PTPRK: variants seen among roughly 807,000 people sequenced by gnomAD.
PTPRK encodes receptor-type tyrosine-protein phosphatase kappa.
In PTPRK, 75 loss-of-function variants were observed where a neutral mutation model predicts 178.0. The ratio of observed to expected loss-of-function variants is 0.42; its 90% CI spans 0.35 to 0.51. The LOEUF (loss-of-function observed/expected upper bound fraction) is 0.51, where lower values mean the gene tolerates loss of function less well. Among genes scored for constraint, PTPRK ranks in the 20% least tolerant of loss-of-function variants. PTPRK has a pLI of 0.02. For missense variants in PTPRK, 1,441 were observed against 1,797.8 expected (o/e 0.80, Z 3.59); for synonymous variants, 637 against 620.6 (o/e 1.03, Z -0.39).
chr6:128,449,535 C>T (rs1260433473), intron 1 of PTPRK, among the ~76,000 whole-genome samples: 1 of 152,024 alleles, frequency 6.6e-6, no homozygotes, highest in Non-Finnish European at 1.5e-5. Context: ...GGGGAAAATA[C>T]AACAGTAGAA....
At chr6:128,174,135 G>A (rs1443002476) in intron 7 of PTPRK, among the ~76,000 whole-genome samples, 3 of 151,878 alleles carry the variant, frequency 2.0e-5, no homozygotes, top group Admixed American at 6.6e-5. Flanking sequence ...TAAAATATTA[G>A]AGGAAAAATA....
chr6:128,095,012 G>A (rs73584680), intron 7 of PTPRK, among the ~76,000 whole-genome samples: 4,334 of 152,020 alleles, frequency 0.029, 205 homozygotes, highest in African/African-American at 0.099. Flanking sequence ...GGAAGGTGGT[G>A]TTAAGCACAT....
chr6:128,383,575 G>C (rs1239374601), intron 2 of PTPRK, among the ~76,000 whole-genome samples: 1 of 152,098 alleles, frequency 6.6e-6, no homozygotes, highest in Non-Finnish European at 1.5e-5. Context: ...AATAATTTGA[G>C]TTCCAACATA....
rs140417488 is a variant in PTPRK, at chr6:127,972,127, T to C, written c.4269+895A>G. On this transcript the variant is annotated intron_variant, in intron 29 of 29. Transcript: ENST00000368226. ...TACAAACCTAAGTCTTCAGATTTTG[T>C]CTCAGGAAGCAACGCAACTCTTGTG... Among the ~76,000 whole-genome samples, 209 of 152,284 alleles carry C rather than the reference T, an allele frequency of 1.4e-3. 1 individual carries two copies. Among genetic ancestry groups the C allele is most frequent in the African/African-American group, 4.7e-3 (196 of 41,552 alleles).
intron 7 of PTPRK, among the ~76,000 whole-genome samples, chr6:128,137,524 A>T (rs955716085): frequency 6.6e-6 from 1 of 151,632 alleles, no homozygotes; most frequent in Non-Finnish European, 1.5e-5. Context: ...AGTAAGCGAC[A>T]ATCAGTCTAT....
At chr6:128,266,061 C>G (rs1377363887) in intron 3 of PTPRK, among the ~76,000 whole-genome samples, 1 of 152,068 alleles carries the variant, frequency 6.6e-6, no homozygotes, top group African/African-American at 2.4e-5. Flanking sequence ...CCCCATCCTC[C>G]AGGACAGTGA....
At chr6:128,144,013 CTCTCT>C (rs1018411555) in intron 7 of PTPRK, among the ~76,000 whole-genome samples, 40 of 152,214 alleles carry the variant, frequency 2.6e-4, no homozygotes, top group African/African-American at 9.6e-4. Context: ...TTTATATCTC[CTCTCT>C]TAATTACTTT....
At position 127,970,186 on chromosome 6, in the gene PTPRK, A is replaced by G; in HGVS notation, c.*41T>C. The stretch of plus-strand genomic sequence containing the variant: ...CAACAGCTGCTGGCTCAATAGATGG[A>G]CAGGTTTCTTCATGGATGCACTTTA... On this transcript the variant is annotated 3_prime_UTR_variant, in exon 30 of 30. Transcript: ENST00000368226. The G allele has an allele frequency of 6.6e-7, 1 of 1,516,132 alleles. No homozygotes were observed. The highest frequency in any genetic ancestry group is 1.2e-5 in the South Asian group (1 of 86,322). 93.9% of individuals were successfully genotyped at this position (1,516,132 alleles called of 1,614,324 possible).
At chr6:128,021,723 A>T (rs1228842514) in intron 13 of PTPRK, among the ~76,000 whole-genome samples, 1 of 152,196 alleles carries the variant, frequency 6.6e-6, no homozygotes, top group African/African-American at 2.4e-5. Flanking sequence ...ATTTCTCTGC[A>T]CTTGTTGGCT....
chr6:128,031,894 C>T (rs777518763), intron 13 of PTPRK, among the ~76,000 whole-genome samples: 4 of 152,146 alleles, frequency 2.6e-5, no homozygotes, highest in Non-Finnish European at 5.9e-5. Flanking sequence ...AGTCAGCATC[C>T]TCAATCTCAT....
intron 7 of PTPRK, among the ~76,000 whole-genome samples, chr6:128,105,154 G>A (rs1180727582): frequency 1.4e-5 from 2 of 144,608 alleles, no homozygotes; most frequent in Non-Finnish European, 3.0e-5. Context: ...TTTCTTTTGA[G>A]ACGGAGTCTT....
intron 10 of PTPRK, among the ~76,000 whole-genome samples, chr6:128,079,540 T>A (rs1044771608): frequency 6.6e-6 from 1 of 151,998 alleles, no homozygotes; most frequent in African/African-American, 2.4e-5. Context: ...TTGATAATGC[T>A]TAATTAGGGA....
At chr6:128,186,765 T>G (rs1583387371) in intron 6 of PTPRK, among the ~76,000 whole-genome samples, 1 of 152,138 alleles carries the variant, frequency 6.6e-6, no homozygotes, top group Non-Finnish European at 1.5e-5. Flanking sequence ...AAAGTTTTTG[T>G]AGAGAGGGAG....
chr6:128,491,199 C>T (rs573513925), intron 1 of PTPRK, among the ~76,000 whole-genome samples: 1 of 152,316 alleles, frequency 6.6e-6, no homozygotes, highest in Non-Finnish European at 1.5e-5. Context: ...ATTCACATGT[C>T]TAACAAGTAT....
chr6:128,520,025 C>T (rs1409384184), intron 1 of PTPRK, among the ~76,000 whole-genome samples: 3 of 152,196 alleles, frequency 2.0e-5, no homozygotes, highest in Admixed American at 6.5e-5. Flanking sequence ...CCCACACTCT[C>T]CGGCTAGACC....
At chr6:128,401,273 A>C (rs1406931248) in intron 1 of PTPRK, among the ~76,000 whole-genome samples, 1 of 152,196 alleles carries the variant, frequency 6.6e-6, no homozygotes, top group African/African-American at 2.4e-5. Context: ...CTCGGTGAAA[A>C]ATGTGGTACT....
At chr6:128,483,476 T>C (rs1182249254) in intron 1 of PTPRK, among the ~76,000 whole-genome samples, 1 of 152,152 alleles carries the variant, frequency 6.6e-6, no homozygotes, top group Non-Finnish European at 1.5e-5. Context: ...TTTCATCTTC[T>C]TCTCCCTCTG....
At chr6:128,283,852 T>C (rs1822063038) in intron 3 of PTPRK, among the ~76,000 whole-genome samples, 1 of 152,186 alleles carries the variant, frequency 6.6e-6, no homozygotes, top group Non-Finnish European at 1.5e-5. Flanking sequence ...TTCTTTTGCA[T>C]TGTATTTCAC....
chr6:128,339,453 A>C (rs2128330173), intron 2 of PTPRK, among the ~76,000 whole-genome samples: 1 of 152,222 alleles, frequency 6.6e-6, no homozygotes, highest in East Asian at 1.9e-4. Context: ...ATTTTTCCCA[A>C]ATATAAGACC....
Sources: gnomAD v4.1 joint callset for allele counts (sites outside exome capture counted in the v4.1 genomes callset) on GRCh38, gnomAD v4.1.1 for gene constraint, MANE v1.5 for transcripts, NCBI Gene and HGNC (gene_info 2026-07-23, HGNC 2026-07-21) for gene names.